The following AGAP1 variants were observed in gnomAD, a reference collection of about 807,000 sequenced individuals.
The protein encoded by AGAP1 is ArfGAP with GTPase domain, ankyrin repeat and PH domain 1, also known as arf-GAP with GTPase, ANK repeat and PH domain-containing protein 1.
Under a neutral mutation model 105.3 loss-of-function variants are expected in AGAP1, and 29 were observed. The ratio of observed to expected loss-of-function variants is 0.28; its 90% CI spans 0.21 to 0.38. The LOEUF (loss-of-function observed/expected upper bound fraction) is 0.38. AGAP1 is among the 10% of genes least tolerant of loss of function. The pLI, the probability that AGAP1 is intolerant of heterozygous loss-of-function variation, is 1.00. For missense variants in AGAP1, 998 were observed against 1,165.1 expected (o/e 0.86, Z 2.09); for synonymous variants, 509 against 485.9 (o/e 1.05, Z -0.63).
chr2:235,771,624 C>A (rs1306841742), intron 6 of AGAP1, among the ~76,000 whole-genome samples: 2 of 152,150 alleles, frequency 1.3e-5, no homozygotes, highest in African/African-American at 4.8e-5. Flanking sequence ...GGCTTAGAGC[C>A]CAGGAAGCTG....
At position 235,592,377 on chromosome 2, in the gene AGAP1, G is replaced by A. The variant is rs1336928414; in HGVS notation, c.163+97528G>A. Among the ~76,000 whole-genome samples, 3 of 152,124 alleles carry A rather than the reference G, an allele frequency of 2.0e-5. No homozygotes were observed. The East Asian group carries it at 5.8e-4, about 29-fold the overall frequency. On this transcript the variant is annotated intron_variant, in intron 1 of 17. Coordinates refer to ENST00000304032, the MANE Select transcript of AGAP1 (RefSeq NM_001037131.3). ...TCTGGGGGGCAGTGAGCAGGATGGTGAAGGAGGAGTAGATGAGCCATGTTC... is the reference window on the plus strand; with the variant it reads ...TCTGGGGGGCAGTGAGCAGGATGGTAAAGGAGGAGTAGATGAGCCATGTTC...
Position 235,867,000 on chromosome 2 carries a change from A to G in AGAP1, c.1051-16345A>G, listed in dbSNP as rs1195466905. On this transcript the variant is annotated intron_variant, in intron 9 of 17. Transcript: ENST00000304032. This position sits in a 1 kb window ranked among gnomAD's most constrained non-coding sequence, Gnocchi z 6.1. ...TAGGGAGTGGAGCACAATGCAGCCCATAATAGTCATCGTCTAAGGGATGGG... is the reference window on the plus strand; with the variant it reads ...TAGGGAGTGGAGCACAATGCAGCCCGTAATAGTCATCGTCTAAGGGATGGG... Among the ~76,000 whole-genome samples the G allele has an allele frequency of 2.0e-5, 3 of 152,190 alleles. No individual in the cohort carries two copies. Among genetic ancestry groups the G allele is most frequent in the African/African-American group, 4.8e-5 (2 of 41,432 alleles).
chr2:235,955,294 C>T (rs1340610980), intron 12 of AGAP1, among the ~76,000 whole-genome samples: 1 of 152,110 alleles, frequency 6.6e-6, no homozygotes, highest in African/African-American at 2.4e-5. Context: ...GAGCGGGGAC[C>T]TCTCCATCAG....
intron 12 of AGAP1, among the ~76,000 whole-genome samples, chr2:235,956,668 T>G (rs2053963835): frequency 6.6e-6 from 1 of 152,168 alleles, no homozygotes; most frequent in Admixed American, 6.5e-5. Flanking sequence ...CTGTCCCACC[T>G]GTGGTCAGGA....
rs1352854800 is a variant in AGAP1, at chr2:235,719,441, C to T, written c.310+1797C>T. On this transcript the variant is annotated intron_variant, in intron 3 of 17. Transcript: ENST00000304032. This position sits in a 1 kb window ranked among gnomAD's most constrained non-coding sequence, Gnocchi z 4.9. ...ATTGACCCTTACATGTTGACTCACA[C>T]CAAAGCATTTCTCTTGAACGTTTAT... 6.6e-6 allele frequency among the ~76,000 whole-genome samples: 1 copy of T among 152,158 alleles called. No individual in the cohort carries two copies. The highest frequency in any genetic ancestry group is 1.5e-5 in the Non-Finnish European group (1 of 68,040).
chr2:235,664,906 A>AC lies in AGAP1; in HGVS notation c.164-44268dup, dbSNP rs1275350021. On this transcript the variant is annotated intron_variant, in intron 1 of 17. Coordinates refer to ENST00000304032, the MANE Select transcript of AGAP1 (RefSeq NM_001037131.3). The surrounding 1 kb of genome is among the most constrained non-coding windows in gnomAD (Gnocchi z 5.7). ...AGACCCACCTGTGCAATATAGTGAG[A>AC]CCCCCATCTTTACCATAAATGAAAA... 2.6e-5 allele frequency among the ~76,000 whole-genome samples: 4 copies of AC among 151,714 alleles called. No individual in the cohort carries two copies. The highest frequency in any genetic ancestry group is 6.6e-5 in the Admixed American group (1 of 15,236).
chr2:236,024,057 G>A (rs1165753391), intron 13 of AGAP1, among the ~76,000 whole-genome samples: 5 of 132,832 alleles, frequency 3.8e-5, no homozygotes, highest in Admixed American at 8.3e-5. Flanking sequence ...TTTGGAGACA[G>A]TCTCACTTTG....
intron 8 of AGAP1, among the ~76,000 whole-genome samples, chr2:235,805,874 A>G (rs1314753772): frequency 6.6e-6 from 1 of 152,222 alleles, no homozygotes; most frequent in Non-Finnish European, 1.5e-5. Context: ...ACAAGTGCAC[A>G]GTGCTTGGCA....
chr2:235,859,186 G>A (rs561943602), intron 9 of AGAP1, among the ~76,000 whole-genome samples: 26 of 152,080 alleles, frequency 1.7e-4, no homozygotes, highest in African/African-American at 6.3e-4. Context: ...TCCATTAGCC[G>A]TACTCTGGGC....
intron 6 of AGAP1, among the ~76,000 whole-genome samples, chr2:235,764,088 G>A (rs954758616): frequency 3.4e-4 from 34 of 99,660 alleles, no homozygotes; most frequent in African/African-American, 1.2e-3. Context: ...GCTGTGACAT[G>A]TGGAGGCGAA....
intron 1 of AGAP1, among the ~76,000 whole-genome samples, chr2:235,584,911 TTTTTTTTTTTTTTTAA>T (rs1354941139): frequency 6.7e-6 from 1 of 149,030 alleles, no homozygotes; most frequent in Admixed American, 6.6e-5. Context: ...CCTTTTTTTT[TTTTTTTTTTTTTTTAA>T]AGAAAACCCA....
chr2:235,721,899 A>G lies in AGAP1; in HGVS notation c.310+4255A>G, dbSNP rs1317443959. Among the ~76,000 whole-genome samples, 2 of 152,044 alleles carry G rather than the reference A, an allele frequency of 1.3e-5. No homozygotes were observed. The highest frequency in any genetic ancestry group is 2.9e-5 in the Non-Finnish European group (2 of 68,036). On this transcript the variant is annotated intron_variant, in intron 3 of 17. Transcript: ENST00000304032. This position sits in a 1 kb window ranked among gnomAD's most constrained non-coding sequence, Gnocchi z 4.5. ...ATCAGATGCATTTTAGCTCCATCCC[A>G]GAGGGTAACATCTGCTGTCTTAATT... is the stretch of plus-strand genomic sequence containing the variant.
intron 1 of AGAP1, among the ~76,000 whole-genome samples, chr2:235,542,793 C>T (rs113105662): frequency 9.2e-5 from 14 of 152,130 alleles, no homozygotes; most frequent in African/African-American, 2.7e-4. Context: ...TTTGAGATGC[C>T]CTGCAGGCCC....
In AGAP1 at chr2:235,569,060, T is replaced by A. The variant is rs773150861; in HGVS notation, c.163+74211T>A. Among the ~76,000 whole-genome samples, 1 of 152,200 alleles carries A rather than the reference T, an allele frequency of 6.6e-6. No homozygotes were observed. Among genetic ancestry groups the A allele is most frequent in the Non-Finnish European group, 1.5e-5 (1 of 68,042 alleles). Reference sequence around the variant, plus strand: ...GCAGCGTATTCATAGGTTCTGGGTGTTGGGACATGGACATTTTGGGGGACC... The same window carrying A: ...GCAGCGTATTCATAGGTTCTGGGTGATGGGACATGGACATTTTGGGGGACC... On this transcript the variant is annotated intron_variant, in intron 1 of 17. Coordinates refer to ENST00000304032, the MANE Select transcript of AGAP1 (RefSeq NM_001037131.3). The surrounding 1 kb of genome is among the most constrained non-coding windows in gnomAD (Gnocchi z 5.9).
At chr2:235,998,611 C>T (rs538972675) in intron 13 of AGAP1, among the ~76,000 whole-genome samples, 12 of 146,820 alleles carry the variant, frequency 8.2e-5, no homozygotes, top group African/African-American at 2.4e-4. Flanking sequence ...AGCATGGTAC[C>T]TGGCTCAGCA....
At chr2:236,069,615 G>A (rs2058445075) in intron 16 of AGAP1, among the ~76,000 whole-genome samples, 1 of 152,104 alleles carries the variant, frequency 6.6e-6, no homozygotes, top group African/African-American at 2.4e-5. Context: ...GTAGAGACGG[G>A]GTTTCACCAT....
chr2:235,851,631 T>C (rs2048463194), intron 9 of AGAP1, among the ~76,000 whole-genome samples: 1 of 151,946 alleles, frequency 6.6e-6, no homozygotes, highest in Non-Finnish European at 1.5e-5. Context: ...TCTAGGCTTA[T>C]CTCCGTGTGT....
chr2:235,654,885 T>C (rs977763164), intron 1 of AGAP1, among the ~76,000 whole-genome samples: 2 of 152,194 alleles, frequency 1.3e-5, no homozygotes, highest in South Asian at 2.1e-4. Flanking sequence ...TGGAGCAAGA[T>C]TAAACAATTA....
chr2:235,841,036 A>T (rs1291277578), intron 9 of AGAP1, among the ~76,000 whole-genome samples: 1 of 152,084 alleles, frequency 6.6e-6, no homozygotes, highest in Non-Finnish European at 1.5e-5. Flanking sequence ...ATAAAGTAGG[A>T]AAAGGACTAC....
Sources: allele counts gnomAD v4.1 joint callset (sites outside exome capture counted in the v4.1 genomes callset), GRCh38; gene constraint gnomAD v4.1.1; non-coding constraint Gnocchi (gnomAD v3.1); transcripts MANE v1.5; gene names NCBI Gene and HGNC (gene_info 2026-07-23, HGNC 2026-07-21).